The following XKR6 variants were observed in gnomAD, a reference collection of about 807,000 sequenced individuals.
The protein encoded by XKR6 is XK-related protein 6.
A neutral mutation model predicts 56.7 loss-of-function variants in XKR6; 22 were observed. The observed-to-expected ratio is 0.39, with a 90% CI of 0.28 to 0.55. XKR6 has a LOEUF of 0.55. XKR6 is among the 20% of genes least tolerant of loss of function. The probability of loss-of-function intolerance (pLI) is 0.66; values close to 1 mark genes in which losing one functional copy is unlikely to be tolerated. For missense variants in XKR6, 852 were observed against 889.0 expected (o/e 0.96, Z 0.53); for synonymous variants, 524 against 387.8 (o/e 1.35, Z -4.13).
chr8:11,090,015 C>G (rs1350438365), intron 1 of XKR6, among the ~76,000 whole-genome samples: 2 of 152,208 alleles, frequency 1.3e-5, no homozygotes, highest in Non-Finnish European at 2.9e-5. Flanking sequence ...TCCATGATGA[C>G]ACAAATGTGG....
intron 1 of XKR6, among the ~76,000 whole-genome samples, chr8:11,046,270 C>T (rs901382921): frequency 8.6e-5 from 13 of 151,928 alleles, no homozygotes; most frequent in African/African-American, 2.9e-4. Flanking sequence ...CATGGTGGCA[C>T]GTGCCTGTAA....
At position 10,897,690 on chromosome 8, in the gene XKR6, A is replaced by C. The variant is rs970615590; in HGVS notation, c.*262T>G. Reference sequence around the variant, plus strand: ...ATACTGTTTCTTATGTGTAAAAAACAAAAGAAAGGTTTTCTTTTTGTTTTT... The same window carrying C: ...ATACTGTTTCTTATGTGTAAAAAACCAAAGAAAGGTTTTCTTTTTGTTTTT... On this transcript the variant is annotated 3_prime_UTR_variant, in exon 3 of 3. Coordinates refer to ENST00000416569, the MANE Select transcript of XKR6 (RefSeq NM_173683.4). 5.2e-6 allele frequency: 2 copies of C among 383,848 alleles called. No individual in the cohort carries two copies. Among genetic ancestry groups the C allele is most frequent in the African/African-American group, 4.2e-5 (2 of 48,190 alleles). The allele number at this position is 383,848 out of a possible 1,614,324, so 23.8% of individuals were successfully genotyped here.
intron 1 of XKR6, among the ~76,000 whole-genome samples, chr8:11,095,794 C>T (rs567188839): frequency 2.6e-5 from 4 of 152,292 alleles, no homozygotes; most frequent in South Asian, 2.1e-4. Flanking sequence ...AAAGCTCAAA[C>T]GGGTGATTCT....
chr8:11,132,490 T>G (rs1375029414), intron 1 of XKR6, among the ~76,000 whole-genome samples: 1 of 151,520 alleles, frequency 6.6e-6, no homozygotes, highest in Non-Finnish European at 1.5e-5. Context: ...GCCTCCCGAG[T>G]AGCTGGGATT....
At chr8:10,965,688 C>A (rs1802200686) in intron 1 of XKR6, among the ~76,000 whole-genome samples, 1 of 152,214 alleles carries the variant, frequency 6.6e-6, no homozygotes, top group South Asian at 2.1e-4. Context: ...CTCTTTCCGG[C>A]AGCTGCAGGG....
chr8:10,912,024 G>A (rs987313541), intron 2 of XKR6, among the ~76,000 whole-genome samples: 1 of 150,190 alleles, frequency 6.7e-6, no homozygotes, highest in Non-Finnish European at 1.5e-5. Context: ...GAGCAAGAGA[G>A]GGTGAGTATA....
chr8:10,927,965 G>A (rs530495525), intron 1 of XKR6, among the ~76,000 whole-genome samples: 1 of 152,318 alleles, frequency 6.6e-6, no homozygotes, highest in South Asian at 2.1e-4. Context: ...GCCCTGCCCA[G>A]GAGTTCCTGA....
intron 1 of XKR6, among the ~76,000 whole-genome samples, chr8:11,101,276 T>A (rs560112825): frequency 2.7e-4 from 41 of 152,176 alleles, no homozygotes; most frequent in Non-Finnish European, 4.4e-4. Flanking sequence ...TAACAAGAAT[T>A]GTAAACTGCT....
chr8:11,068,740 C>A (rs564377502), intron 1 of XKR6, among the ~76,000 whole-genome samples: 1 of 152,344 alleles, frequency 6.6e-6, no homozygotes, highest in East Asian at 1.9e-4. Context: ...TGCAGCCAAC[C>A]CAGCCAGCTG....
At chr8:11,195,816 T>A (rs1803854880) in intron 1 of XKR6, among the ~76,000 whole-genome samples, 1 of 150,964 alleles carries the variant, frequency 6.6e-6, no homozygotes, top group African/African-American at 2.4e-5. Context: ...GCCCGGCTAA[T>A]TTTTTTTTGT....
At chr8:11,127,033 C>T (rs1799837372) in intron 1 of XKR6, among the ~76,000 whole-genome samples, 1 of 152,154 alleles carries the variant, frequency 6.6e-6, no homozygotes, top group Non-Finnish European at 1.5e-5. Flanking sequence ...GTAAGTTTGT[C>T]TTGTGTATCA....
At chr8:11,026,572 G>A (rs948599544) in intron 1 of XKR6, among the ~76,000 whole-genome samples, 33 of 141,996 alleles carry the variant, frequency 2.3e-4, no homozygotes, top group Non-Finnish European at 4.0e-4. Context: ...TCTTAATGGC[G>A]TTGCCTACTA....
chr8:11,059,149 T>G (rs1799762078), intron 1 of XKR6, among the ~76,000 whole-genome samples: 3 of 152,200 alleles, frequency 2.0e-5, no homozygotes, highest in Non-Finnish European at 4.4e-5. Context: ...AGAGCCTGCA[T>G]CCACGGCGTG....
At chr8:11,171,997 G>A (rs904123778) in intron 1 of XKR6, among the ~76,000 whole-genome samples, 1 of 150,886 alleles carries the variant, frequency 6.6e-6, no homozygotes, top group African/African-American at 2.4e-5. Flanking sequence ...AGTATGCAGT[G>A]AGCCAACATC....
At chr8:11,101,633 C>A (rs1033151822) in intron 1 of XKR6, among the ~76,000 whole-genome samples, 1 of 152,156 alleles carries the variant, frequency 6.6e-6, no homozygotes, top group Non-Finnish European at 1.5e-5. Flanking sequence ...ATGAATTTTC[C>A]CCCTCCTTGG....
chr8:11,099,214 G>A (rs114886461), intron 1 of XKR6, among the ~76,000 whole-genome samples: 6,894 of 152,252 alleles, frequency 0.045, 216 homozygotes, highest in African/African-American at 0.08. Flanking sequence ...CAGCAGGAGG[G>A]CAATCGTCCA....
rs1043127307 is a variant in XKR6 at position 10,899,252 on chromosome 8, G to A, written c.962-336C>T. Among the ~76,000 whole-genome samples, 5 of 152,326 alleles carry A rather than the reference G, an allele frequency of 3.3e-5. No individual in the cohort carries two copies. In the South Asian group the frequency reaches 6.2e-4, roughly 19 times the overall value. ...TGGGTTCCGCCTTAAGGAATCATGCGATTCTTGTGGCACACAGATGTGCGG... is the reference window on the plus strand; with the variant it reads ...TGGGTTCCGCCTTAAGGAATCATGCAATTCTTGTGGCACACAGATGTGCGG... On this transcript the variant is annotated intron_variant, in intron 2 of 2. Transcript: ENST00000416569.
Position 11,122,174 on chromosome 8 carries a change from G to T in XKR6, c.764+78402C>A, listed in dbSNP as rs574808262. Among the ~76,000 whole-genome samples the T allele has an allele frequency of 2.6e-5, 4 of 152,206 alleles. No individual in the cohort carries two copies. In the South Asian group the frequency reaches 8.3e-4, roughly 31 times the overall value. On this transcript the variant is annotated intron_variant, in intron 1 of 2. Coordinates refer to ENST00000416569, the MANE Select transcript of XKR6 (RefSeq NM_173683.4). ...CAGTGATCTTAAGTCTCCAAGCCCAGCTCCTTTGAAAATACGGTCTTGCCT... is the reference window on the plus strand; with the variant it reads ...CAGTGATCTTAAGTCTCCAAGCCCATCTCCTTTGAAAATACGGTCTTGCCT...
intron 1 of XKR6, among the ~76,000 whole-genome samples, chr8:11,050,061 G>A (rs550977605): frequency 6.6e-6 from 1 of 152,298 alleles, no homozygotes; most frequent in South Asian, 2.1e-4. Context: ...ACACGCTCCA[G>A]TCCTCGGGGT....
Sources: gnomAD v4.1 joint callset for allele counts (sites outside exome capture counted in the v4.1 genomes callset) on GRCh38, gnomAD v4.1.1 for gene constraint, MANE v1.5 for transcripts, NCBI Gene and HGNC (gene_info 2026-07-23, HGNC 2026-07-21) for gene names.